The following MS4A8 variants were observed in gnomAD, a reference collection of about 807,000 sequenced individuals.
The protein encoded by MS4A8 is membrane-spanning 4-domains subfamily A member 8.
A neutral mutation model predicts 23.7 loss-of-function variants in MS4A8; 27 were observed. The ratio of observed to expected loss-of-function variants is 1.14; its 90% CI spans 0.84 to 1.57. The LOEUF is 1.57. Ranked by LOEUF, MS4A8 falls within the 40% of genes most tolerant of loss-of-function variation. The pLI, the probability that MS4A8 is intolerant of heterozygous loss-of-function variation, is 0.00. For missense variants in MS4A8, 301 were observed against 311.4 expected (o/e 0.97, Z 0.25); for synonymous variants, 138 against 126.3 (o/e 1.09, Z -0.62).
At chr11:60,710,850 G>A (rs1478264765) in intron 5 of MS4A8, among the ~76,000 whole-genome samples, 4 of 152,126 alleles carry the variant, frequency 2.6e-5, no homozygotes, top group South Asian at 2.1e-4. Flanking sequence ...CAACACTCCA[G>A]GCATCTTTCC....
At chr11:60,708,568 A>G (rs2088276366) in intron 4 of MS4A8, 82 bp from the exon 5 acceptor site, 1 of 1,411,222 alleles carries the variant, frequency 7.1e-7, no homozygotes. Context: ...ATTGGGGGGA[A>G]AAAGAAACAC....
chr11:60,705,949 T>C (rs1299287447), intron 3 of MS4A8, among the ~76,000 whole-genome samples: 1 of 152,214 alleles, frequency 6.6e-6, no homozygotes, highest in African/African-American at 2.4e-5. Context: ...GTAATACTGC[T>C]TGATGGGCCA....
At position 60,715,635 on chromosome 11, in the gene MS4A8, C is replaced by T. The variant is rs2088337883; in HGVS notation, c.*221C>T. On this transcript the variant is annotated 3_prime_UTR_variant, in exon 7 of 7. Coordinates refer to ENST00000300226, the MANE Select transcript of MS4A8 (RefSeq NM_031457.2). ...AAACAGATGTTAACCAAGAGGGACT[C>T]CCTAGGGCACATGCATCAGCACATA... is the stretch of plus-strand genomic sequence containing the variant. 1 of 539,506 alleles carries T rather than the reference C, an allele frequency of 1.9e-6. No homozygotes were observed. The highest frequency in any genetic ancestry group is 2.1e-5 in the South Asian group (1 of 48,584). The allele number at this position is 539,506 out of a possible 1,614,324, so 33.4% of individuals were successfully genotyped here.
Position 60,715,150 on chromosome 11 carries a change from C to G in MS4A8, c.648+16C>G. ...ATCAAGCAATGTGAGTCCCAGGGTTCCTCAGTGGGTGGAAAGATGCCCCCA... is the reference window on the plus strand; with the variant it reads ...ATCAAGCAATGTGAGTCCCAGGGTTGCTCAGTGGGTGGAAAGATGCCCCCA... On this transcript the variant is annotated intron_variant, in intron 6 of 6. Coordinates refer to ENST00000300226, the MANE Select transcript of MS4A8 (RefSeq NM_031457.2). 1 of 1,592,172 alleles carries G rather than the reference C, an allele frequency of 6.3e-7. No homozygotes were observed.
chr11:60,699,994 A>G (rs1199172946), intron 1 of MS4A8, among the ~76,000 whole-genome samples: 1 of 152,256 alleles, frequency 6.6e-6, no homozygotes, highest in Non-Finnish European at 1.5e-5. Context: ...ATTAGAATGT[A>G]TAAGTAGCCT....
intron 4 of MS4A8, 89 bp from the exon 5 acceptor site, chr11:60,708,561 G>C (rs1285151223): frequency 2.7e-5 from 36 of 1,352,442 alleles, no homozygotes; most frequent in Admixed American, 5.2e-5. Flanking sequence ...TTTAGAAATT[G>C]GGGGGAAAAA....
rs936594892 is a variant in MS4A8 at position 60,715,252 on chromosome 11, G to A, written c.649-58G>A. The A allele has an allele frequency of 4.6e-6, 7 of 1,538,378 alleles. No individual in the cohort carries two copies. In the African/African-American group the frequency reaches 9.5e-5, roughly 21 times the overall value. ...CAGGAGTAGTTCCTCGGTGTCCGAG[G>A]CCTTTGGTGCATGGCCCGTCCTTCT... is the stretch of plus-strand genomic sequence containing the variant. On this transcript the variant is annotated intron_variant, in intron 6 of 6. Coordinates refer to ENST00000300226, the MANE Select transcript of MS4A8 (RefSeq NM_031457.2).
At position 60,708,782 on chromosome 11, in the gene MS4A8, G is replaced by A. The variant is rs764875171; in HGVS notation, c.534+1G>A. ...CTATTATCCTTACGCCTGGGGTGTG[G>A]TGAGTATCCCTCTCAACCAAAGATC... On this transcript the variant is annotated splice_donor_variant, in intron 5 of 6. Transcript: ENST00000300226. LOFTEE classifies it high-confidence loss of function. 3.7e-6 allele frequency: 6 copies of A among 1,613,834 alleles called. No individual in the cohort carries two copies. Among genetic ancestry groups the A allele is most frequent in the Admixed American group, 3.3e-5 (2 of 59,998 alleles).
In MS4A8 at chr11:60,712,010, T is replaced by G. The variant is rs149773189; in HGVS notation, c.535-3011T>G. The G allele has an allele frequency of 3.5e-3, 861 of 248,426 alleles. 4 individuals are homozygous for G. Among genetic ancestry groups the G allele is most frequent in the African/African-American group, 0.019 (805 of 43,136 alleles). The allele number at this position is 248,426 out of a possible 1,614,324, so 15.4% of individuals were successfully genotyped here. ...ACATCAGGAATTATTTTTCATCAAA[T>G]AAAAAAAATCTCAGCTGCTTGAGGG... is the stretch of plus-strand genomic sequence containing the variant. On this transcript the variant is annotated intron_variant, in intron 5 of 6. Transcript: ENST00000300226.
At chr11:60,713,163 TGAC>T (rs1314481917) in intron 5 of MS4A8, among the ~76,000 whole-genome samples, 1 of 151,994 alleles carries the variant, frequency 6.6e-6, no homozygotes, top group Non-Finnish European at 1.5e-5. Flanking sequence ...TTTCAGAGGC[TGAC>T]ATTTTCCCAA....
Position 60,703,467 on chromosome 11 carries a change from C to T in MS4A8, c.309C>T (p.Phe103=). The T allele has an allele frequency of 1.9e-6, 3 of 1,608,708 alleles. No homozygotes were observed. Among genetic ancestry groups the T allele is most frequent in the South Asian group, 1.1e-5 (1 of 89,916 alleles). ...TAGGGGAATACCTGTCTATTTCATT[C>T]TACGGAGGCTTTCCCTTCTGGGGAG... The part of the protein sequence containing the change: ...VLVGEYLSIS[F]YGGFPFWGGL... The change falls in exon 3 of 7, where the codon TTC becomes TTT. Residue 103 remains phenylalanine, a synonymous_variant. Transcript: ENST00000300226.
intron 4 of MS4A8, among the ~76,000 whole-genome samples, chr11:60,707,701 GA>G (rs2088268295): frequency 6.6e-6 from 1 of 152,108 alleles, no homozygotes; most frequent in Non-Finnish European, 1.5e-5. Flanking sequence ...CAGAATCATG[GA>G]GCATCTGAGC....
rs541569981 is a variant in MS4A8 at position 60,701,261 on chromosome 11, A to C, written c.219+182A>C. On this transcript the variant is annotated intron_variant, in intron 2 of 6. Coordinates refer to ENST00000300226, the MANE Select transcript of MS4A8 (RefSeq NM_031457.2). ...ACAACATCACAGGCGGCCTCTGCTC[A>C]GACCTTGTATTTTCTGATTTAGGCA... The C allele has an allele frequency of 9.9e-6, 7 of 707,990 alleles. No homozygotes were observed. The East Asian group carries it at 1.9e-4, about 19-fold the overall frequency. 43.9% of individuals were successfully genotyped at this position (707,990 alleles called of 1,614,324 possible).
At chr11:60,700,508 T>A (rs1434036882) in intron 1 of MS4A8, among the ~76,000 whole-genome samples, 1 of 152,010 alleles carries the variant, frequency 6.6e-6, no homozygotes, top group Non-Finnish European at 1.5e-5. Flanking sequence ...ATCGTACCAC[T>A]GCACTCCAGC....
At position 60,715,589 on chromosome 11, in the gene MS4A8, CAAG is replaced by C. The variant is rs1222048138; in HGVS notation, c.*183_*185del. The stretch of plus-strand genomic sequence containing the variant: ...CTAGGAAACCATGCTGTTTCTCTAT[CAAG>C]AAGAAGACAGAGATTTTAAACAGAT... On this transcript the variant is annotated 3_prime_UTR_variant, in exon 7 of 7. Coordinates refer to ENST00000300226, the MANE Select transcript of MS4A8 (RefSeq NM_031457.2). The C allele has an allele frequency of 1.2e-5, 7 of 599,728 alleles. No homozygotes were observed. Among genetic ancestry groups the C allele is most frequent in the Non-Finnish European group, 1.8e-5 (6 of 339,422 alleles). 37.2% of individuals were successfully genotyped at this position (599,728 alleles called of 1,614,324 possible).
At chr11:60,709,832 A>C (rs549203446) in intron 5 of MS4A8, among the ~76,000 whole-genome samples, 2 of 152,176 alleles carry the variant, frequency 1.3e-5, no homozygotes, top group African/African-American at 4.8e-5. Context: ...TAAAAAACAA[A>C]CCAACCCACC....
At chr11:60,713,719 G>C (rs145809166) in intron 5 of MS4A8, among the ~76,000 whole-genome samples, 15,644 of 151,994 alleles carry the variant, frequency 0.1, 830 homozygotes, top group South Asian at 0.17. Context: ...GACCCTTTAC[G>C]GGTGTTGGGC....
At chr11:60,706,344 G>A (rs1369964158) in intron 3 of MS4A8, among the ~76,000 whole-genome samples, 2 of 152,128 alleles carry the variant, frequency 1.3e-5, no homozygotes, top group Non-Finnish European at 2.9e-5. Context: ...TGAAATGCAC[G>A]CAATTGACAT....
chr11:60,700,033 T>A (rs527388840), intron 1 of MS4A8, among the ~76,000 whole-genome samples: 44 of 152,350 alleles, frequency 2.9e-4, no homozygotes, highest in Non-Finnish European at 5.4e-4. Context: ...AGCCACCCAA[T>A]GAACAGACAC....
Sources: gnomAD v4.1 joint callset for allele counts (sites outside exome capture counted in the v4.1 genomes callset) on GRCh38, gnomAD v4.1.1 for gene constraint, MANE v1.5 for transcripts, NCBI Gene and HGNC (gene_info 2026-07-23, HGNC 2026-07-21) for gene names.